MACROD2: variants seen among roughly 807,000 people sequenced by gnomAD.
MACROD2 encodes ADP-ribose glycohydrolase MACROD2.
In MACROD2, 36 loss-of-function variants were observed where a neutral mutation model predicts 70.4. The ratio of observed to expected loss-of-function variants is 0.51; its 90% CI spans 0.39 to 0.68. The LOEUF (loss-of-function observed/expected upper bound fraction) is 0.68. Among genes scored for constraint, MACROD2 ranks in the 30% least tolerant of loss-of-function variants. The pLI is 0.00. For synonymous variants in MACROD2, 172 were observed against 178.8 expected (o/e 0.96, Z 0.30); for missense variants, 496 against 538.4 (o/e 0.92, Z 0.78).
intron 8 of MACROD2, among the ~76,000 whole-genome samples, chr20:15,590,779 A>C (rs2048666321): frequency 6.6e-6 from 1 of 151,858 alleles, no homozygotes; most frequent in Non-Finnish European, 1.5e-5. Context: ...CTCGGGAGGC[A>C]TGAGAATCGC....
intron 8 of MACROD2, among the ~76,000 whole-genome samples, chr20:15,854,736 CTTAA>C (rs1441089638): frequency 2.0e-5 from 3 of 152,142 alleles, no homozygotes; most frequent in African/African-American, 4.8e-5. Flanking sequence ...ATTTCTTGTT[CTTAA>C]TTAATCTGTA....
At position 14,908,315 on chromosome 20, in the gene MACROD2, T is replaced by G. The variant is rs1014208795; in HGVS notation, c.418+223356T>G. On this transcript the variant is annotated intron_variant, in intron 5 of 17. Transcript: ENST00000684519. Reference sequence around the variant, plus strand: ...GAGATCGTGCCACTGCACTCCAGCCTGGGTGACCGAGCAAGACTCTATCTC... The same window carrying G: ...GAGATCGTGCCACTGCACTCCAGCCGGGGTGACCGAGCAAGACTCTATCTC... Among the ~76,000 whole-genome samples the G allele has an allele frequency of 8.6e-5, 13 of 151,782 alleles. 1 individual carries two copies. Among genetic ancestry groups the G allele is most frequent in the African/African-American group, 3.1e-4 (13 of 41,378 alleles).
intron 8 of MACROD2, among the ~76,000 whole-genome samples, chr20:15,745,864 T>C (rs1484380763): frequency 2.0e-5 from 3 of 152,156 alleles, no homozygotes; most frequent in Non-Finnish European, 4.4e-5. Flanking sequence ...AAGACCTATA[T>C]ATGTGTTAGT....
intron 8 of MACROD2, among the ~76,000 whole-genome samples, chr20:15,583,352 A>T (rs950207055): frequency 1.3e-5 from 2 of 152,262 alleles, no homozygotes; most frequent in Non-Finnish European, 2.9e-5. Flanking sequence ...CAGATTATGT[A>T]TCAAAGCTAA....
At chr20:15,724,667 A>G (rs1042955729) in intron 8 of MACROD2, among the ~76,000 whole-genome samples, 1 of 152,204 alleles carries the variant, frequency 6.6e-6, no homozygotes, top group Non-Finnish European at 1.5e-5. Context: ...CACCAATAAC[A>G]TACTGTCTTG....
chr20:14,722,038 C>T (rs80300264), intron 5 of MACROD2, among the ~76,000 whole-genome samples: 5,255 of 152,234 alleles, frequency 0.035, 324 homozygotes, highest in African/African-American at 0.12. Context: ...ACAGTAATGC[C>T]CCATAACAAA....
At chr20:14,819,034 G>A (rs529318384) in intron 5 of MACROD2, among the ~76,000 whole-genome samples, 102 of 151,802 alleles carry the variant, frequency 6.7e-4, no homozygotes, top group African/African-American at 2.1e-3. Context: ...GGAGGCCGAG[G>A]TGGGTGGATC....
chr20:14,699,543 G>A (rs2071167844), intron 5 of MACROD2, among the ~76,000 whole-genome samples: 1 of 152,112 alleles, frequency 6.6e-6, no homozygotes, highest in Admixed American at 6.6e-5. Context: ...ATTGTTATTT[G>A]GGACAGAGAA....
chr20:15,417,198 T>C (rs1358954880), intron 6 of MACROD2, among the ~76,000 whole-genome samples: 5 of 151,914 alleles, frequency 3.3e-5, no homozygotes, highest in Non-Finnish European at 1.5e-5. Context: ...CTGTGCTGGA[T>C]ATGAGAAGGA....
chr20:16,006,992 A>G (rs889953460), intron 15 of MACROD2, among the ~76,000 whole-genome samples: 1 of 152,224 alleles, frequency 6.6e-6, no homozygotes, highest in East Asian at 1.9e-4. Context: ...ATTAGAGGAC[A>G]CTACAATCAC....
intron 3 of MACROD2, among the ~76,000 whole-genome samples, chr20:14,095,329 A>T (rs1279453975): frequency 6.6e-6 from 1 of 152,232 alleles, no homozygotes; most frequent in East Asian, 1.9e-4. Context: ...ACACAGCCAT[A>T]GAGGATAGGA....
chr20:14,006,303 A>G (rs537567056), intron 2 of MACROD2, among the ~76,000 whole-genome samples: 1 of 152,320 alleles, frequency 6.6e-6, no homozygotes, highest in South Asian at 2.1e-4. Flanking sequence ...GACTGTAGCA[A>G]TGCATCCATT....
chr20:14,995,973 C>T (rs923716580), intron 5 of MACROD2, among the ~76,000 whole-genome samples: 16 of 152,048 alleles, frequency 1.1e-4, no homozygotes, highest in East Asian at 7.7e-4. Flanking sequence ...AAAATTTCTG[C>T]GCTGGAAAAC....
rs552163493 is a variant in MACROD2 at position 15,173,620 on chromosome 20, T to C, written c.419-56320T>C. On this transcript the variant is annotated intron_variant, in intron 5 of 17. Coordinates refer to ENST00000684519, the MANE Select transcript of MACROD2 (RefSeq NM_001351661.2). ...TCTGGAAGCTGGCTGAATTTCAAGCTGTGTTTTAATTCAATTTTTTTTTGG... is the reference window on the plus strand; with the variant it reads ...TCTGGAAGCTGGCTGAATTTCAAGCCGTGTTTTAATTCAATTTTTTTTTGG... Among the ~76,000 whole-genome samples, 110 of 150,274 alleles carry C rather than the reference T, an allele frequency of 7.3e-4. 1 individual carries two copies. Among genetic ancestry groups the C allele is most frequent in the Admixed American group, 1.3e-4 (2 of 15,204 alleles).
chr20:14,525,352 A>G (rs1161043691), intron 4 of MACROD2, among the ~76,000 whole-genome samples: 1 of 152,224 alleles, frequency 6.6e-6, no homozygotes, highest in Admixed American at 6.5e-5. Context: ...AAAGTTAGCA[A>G]TGCTAATGAT....
intron 3 of MACROD2, among the ~76,000 whole-genome samples, chr20:14,343,436 G>A (rs533659458): frequency 6.6e-6 from 1 of 152,260 alleles, no homozygotes; most frequent in South Asian, 2.1e-4. Flanking sequence ...TTCAAATAAA[G>A]TGGTGGATGT....
chr20:14,954,562 AATAT>A (rs1459378495), intron 5 of MACROD2, among the ~76,000 whole-genome samples: 1 of 138,494 alleles, frequency 7.2e-6, no homozygotes. Context: ...ATAAATTATA[AATAT>A]ATAAATGTAT....
At chr20:15,528,246 T>C (rs571840915) in intron 8 of MACROD2, among the ~76,000 whole-genome samples, 1 of 152,266 alleles carries the variant, frequency 6.6e-6, no homozygotes, top group African/African-American at 2.4e-5. Context: ...ACAATTCTCC[T>C]GCCTCAGCCT....
At chr20:15,846,835 A>G (rs1307784652) in intron 8 of MACROD2, among the ~76,000 whole-genome samples, 2 of 145,102 alleles carry the variant, frequency 1.4e-5, no homozygotes, top group African/African-American at 5.1e-5. Context: ...CCTCGGCATC[A>G]AGAAAAAACA....
Sources: allele counts gnomAD v4.1 joint callset (sites outside exome capture counted in the v4.1 genomes callset), GRCh38; gene constraint gnomAD v4.1.1; transcripts MANE v1.5; gene names NCBI Gene and HGNC (gene_info 2026-07-23, HGNC 2026-07-21).